The following ARHGEF6 variants were observed in gnomAD, a reference collection of about 807,000 sequenced individuals.
ARHGEF6 encodes the protein Rac/Cdc42 guanine nucleotide exchange factor 6.
In ARHGEF6, 9 loss-of-function variants were observed where a neutral mutation model predicts 70.3. The ratio of observed to expected loss-of-function variants is 0.13; its 90% CI spans 0.08 to 0.22. The LOEUF is 0.22. ARHGEF6 is among the 10% of genes least tolerant of loss of function. The pLI is 1.00. For synonymous variants in ARHGEF6, 201 were observed against 207.8 expected (o/e 0.97, Z 0.28); for missense variants, 470 against 563.0 (o/e 0.83, Z 1.67).
chrX:136,777,278 C>T (rs2077413539), intron 2 of ARHGEF6, among the ~76,000 whole-genome samples: 1 of 111,167 alleles, frequency 9.0e-6, no homozygotes, highest in African/African-American at 3.3e-5. Flanking sequence ...AAAAAGTGGG[C>T]TAAGGACATG....
At chrX:136,669,831 G>A (rs959265679) in intron 20 of ARHGEF6, among the ~76,000 whole-genome samples, 33 of 111,979 alleles carry the variant, frequency 2.9e-4, no homozygotes, top group Non-Finnish European at 3.9e-4. Flanking sequence ...ACTAGGGCCC[G>A]TCACTAAGTT....
chrX:136,757,002 C>T (rs1157702058), intron 2 of ARHGEF6, among the ~76,000 whole-genome samples: 1 of 112,413 alleles, frequency 8.9e-6, no homozygotes, highest in Non-Finnish European at 1.9e-5. Context: ...TCTCAAAACA[C>T]AGCAAAGGCA....
At chrX:136,703,768 C>T (rs954509311) in intron 9 of ARHGEF6, among the ~76,000 whole-genome samples, 1 of 112,689 alleles carries the variant, frequency 8.9e-6, no homozygotes, top group Non-Finnish European at 1.9e-5. Flanking sequence ...GTGATCCGCC[C>T]GCCTTGGCCT....
Position 136,675,111 on chromosome X carries a change from T to G in ARHGEF6, c.1946-15A>C. On this transcript the variant is annotated splice_polypyrimidine_tract_variant and intron_variant, in intron 18 of 21. Coordinates refer to ENST00000250617, the MANE Select transcript of ARHGEF6 (RefSeq NM_004840.3). ...AGCAGCTGTACCTGTGAAATTTAAT[T>G]CATCATGACTTTTCATAGATATATG... 2.5e-6 allele frequency: 3 copies of G among 1,182,643 alleles called. No individual in the cohort carries two copies. The highest frequency in any genetic ancestry group is 3.5e-6 in the Non-Finnish European group (3 of 869,535).
At position 136,685,773 on chromosome X, in the gene ARHGEF6, C is replaced by T. The variant is rs2076379835; in HGVS notation, c.1296G>A (p.Leu432=). The change falls in exon 12 of 22, where the codon CTG becomes CTA. Residue 432 remains leucine, a synonymous_variant. Transcript: ENST00000250617. ...CTTCCCATGCCTGAATAGGTTCGGACAGTATCTGTAACTCCAGCTGTTTTC... is the reference window on the plus strand; with the variant it reads ...CTTCCCATGCCTGAATAGGTTCGGATAGTATCTGTAACTCCAGCTGTTTTC... ...RKRKQLELQI[L]SEPIQAWEGE... The T allele has an allele frequency of 8.3e-7, 1 of 1,211,317 alleles. No individual in the cohort carries two copies. Among genetic ancestry groups the T allele is most frequent in the Non-Finnish European group, 1.1e-6 (1 of 895,155 alleles).
intron 9 of ARHGEF6, among the ~76,000 whole-genome samples, chrX:136,706,623 T>C (rs1420613534): frequency 1.8e-5 from 2 of 112,191 alleles, no homozygotes; most frequent in Non-Finnish European, 3.8e-5. Context: ...ACATTTAATT[T>C]AATATCTGCA....
intron 6 of ARHGEF6, among the ~76,000 whole-genome samples, chrX:136,727,397 C>CTT (rs1285307734): frequency 4.0e-3 from 306 of 76,104 alleles, no homozygotes; most frequent in Middle Eastern, 0.02. Context: ...TTCTTTCTTT[C>CTT]TCTCTCTCTC....
intron 9 of ARHGEF6, among the ~76,000 whole-genome samples, chrX:136,703,731 A>G (rs1308522948): frequency 8.9e-6 from 1 of 112,473 alleles, no homozygotes; most frequent in Admixed American, 9.4e-5. Context: ...CATGTTGGTC[A>G]GGCTGGTCTC....
intron 9 of ARHGEF6, among the ~76,000 whole-genome samples, chrX:136,694,402 T>C (rs1177589576): frequency 8.9e-6 from 1 of 112,118 alleles, no homozygotes; most frequent in Non-Finnish European, 1.9e-5. Flanking sequence ...CTCCCTTCTC[T>C]GGCCCTTCAA....
intron 11 of ARHGEF6, among the ~76,000 whole-genome samples, chrX:136,686,595 T>TATATATATATATATATATATATATATAC (rs2076391066): frequency 8.5e-5 from 3 of 35,471 alleles, no homozygotes; most frequent in Non-Finnish European, 1.5e-4. Context: ...TATGTGTGTG[T>TATATATATATATATATATATATATATAC]ATATATATAT....
At chrX:136,741,098 C>T (rs772561060) in intron 5 of ARHGEF6, among the ~76,000 whole-genome samples, 3 of 111,623 alleles carry the variant, frequency 2.7e-5, no homozygotes, top group Admixed American at 1.9e-4. Context: ...AAAGGGGATA[C>T]CCCTTTTAAC....
intron 5 of ARHGEF6, among the ~76,000 whole-genome samples, chrX:136,738,875 C>T (rs1490692201): frequency 3.6e-5 from 4 of 112,068 alleles, no homozygotes; most frequent in Non-Finnish European, 1.9e-5. Flanking sequence ...ATACTGCATC[C>T]ATCCACTTCT....
intron 18 of ARHGEF6, 42 bp from the exon 19 acceptor site, chrX:136,675,138 T>G: frequency 9.2e-7 from 1 of 1,090,291 alleles, no homozygotes; most frequent in Non-Finnish European, 1.3e-6. Flanking sequence ...AGATATATGC[T>G]TTTGGACCCT....
Position 136,779,592 on chromosome X carries a change from C to A in ARHGEF6, c.166-95G>T. The A allele has an allele frequency of 3.8e-6, 3 of 795,756 alleles. No homozygotes were observed. The South Asian group carries it at 6.4e-5, about 17-fold the overall frequency. The allele number at this position is 795,756 out of a possible 1,213,427, so 65.6% of individuals were successfully genotyped here. ...GCTGATAACTAGAGAAAGCAGGCCTCTTAAGGTGTGGGGCAACACTGCTGT... is the reference window on the plus strand; with the variant it reads ...GCTGATAACTAGAGAAAGCAGGCCTATTAAGGTGTGGGGCAACACTGCTGT... On this transcript the variant is annotated intron_variant, in intron 1 of 21. Coordinates refer to ENST00000250617, the MANE Select transcript of ARHGEF6 (RefSeq NM_004840.3).
chrX:136,675,235 G>C, intron 18 of ARHGEF6, 139 bp from the exon 19 acceptor site: 1 of 524,425 alleles, frequency 1.9e-6, no homozygotes, highest in South Asian at 2.6e-5. Context: ...GCTGTCCAAC[G>C]CTGGTGATGG....
At chrX:136,699,290 A>T (rs1827988273) in intron 9 of ARHGEF6, among the ~76,000 whole-genome samples, 2 of 111,268 alleles carry the variant, frequency 1.8e-5, no homozygotes, top group African/African-American at 6.5e-5. Context: ...AAGTTAGCAT[A>T]AAAAATGAAG....
chrX:136,733,293 C>T (rs1322404935), intron 5 of ARHGEF6, among the ~76,000 whole-genome samples: 6 of 110,966 alleles, frequency 5.4e-5, no homozygotes, highest in East Asian at 2.8e-4. Context: ...TAAAGTATAG[C>T]GCAGTATAAA....
At chrX:136,707,101 A>G (rs1426974879) in intron 8 of ARHGEF6, 71 bp from the exon 9 acceptor site, 2 of 1,131,132 alleles carry the variant, frequency 1.8e-6, no homozygotes. Flanking sequence ...TATTCCAATT[A>G]AACCTGGCAG....
intron 21 of ARHGEF6, 116 bp downstream of exon 21, chrX:136,669,366 A>G: frequency 1.5e-6 from 1 of 657,386 alleles, no homozygotes; most frequent in Non-Finnish European, 2.5e-6. Context: ...CACAAGGAAA[A>G]CAAAAATCCC....
Sources: gnomAD v4.1 joint callset for allele counts (sites outside exome capture counted in the v4.1 genomes callset) on GRCh38, gnomAD v4.1.1 for gene constraint, MANE v1.5 for transcripts, NCBI Gene and HGNC (gene_info 2026-07-23, HGNC 2026-07-21) for gene names.